GPC3: variants seen among roughly 807,000 people sequenced by gnomAD.
GPC3 encodes glypican 3.
GPC3 carries 3 observed loss-of-function variants against 34.4 expected under a neutral mutation model. The ratio of observed to expected loss-of-function variants is 0.09; its 90% confidence interval spans 0.04 to 0.23. GPC3 has a LOEUF of 0.23. Among genes scored for constraint, GPC3 ranks in the 10% least tolerant of loss-of-function variants. The probability of loss-of-function intolerance (pLI) is 1.00; values close to 1 mark genes in which losing one functional copy is unlikely to be tolerated. For synonymous variants in GPC3, 177 were observed against 174.0 expected, an observed-to-expected ratio of 1.02 and a Z score of -0.13; for missense variants, 351 against 445.6, an observed-to-expected ratio of 0.79 and a Z score of 1.91.
intron 2 of GPC3, among the ~76,000 whole-genome samples, chrX:133,791,366 T>C: frequency 9.0e-6 from 1 of 111,642 alleles, no homozygotes; most frequent in African/African-American, 3.3e-5. Context: ...TGCAGGTAGA[T>C]GCCGACTTTC....
chrX:133,560,378 T>G (rs1255541983), intron 7 of GPC3, among the ~76,000 whole-genome samples: 5 of 112,520 alleles, frequency 4.4e-5, no homozygotes, highest in Non-Finnish European at 7.5e-5. Context: ...GTTTTTGCCA[T>G]TAACTGTTTG....
chrX:133,536,348 A>G, intron 7 of GPC3, 55 bp from the exon 8 acceptor site: 1 of 896,964 alleles, frequency 1.1e-6, no homozygotes, highest in Non-Finnish European at 1.6e-6. Flanking sequence ...GCCTCAGTAT[A>G]ACACTATGCA....
At chrX:133,574,484 C>T (rs2069660120) in intron 7 of GPC3, among the ~76,000 whole-genome samples, 1 of 111,993 alleles carries the variant, frequency 8.9e-6, no homozygotes, top group Non-Finnish European at 1.9e-5. Flanking sequence ...ATGATATTGA[C>T]CAAAGATAAC....
At chrX:133,768,687 C>T (rs2071878337) in intron 2 of GPC3, among the ~76,000 whole-genome samples, 1 of 111,676 alleles carries the variant, frequency 9.0e-6, no homozygotes, top group Non-Finnish European at 1.9e-5. Flanking sequence ...ACCTGTAATC[C>T]CAACACTTTT....
At chrX:133,912,950 A>T (rs904061615) in intron 2 of GPC3, among the ~76,000 whole-genome samples, 2 of 108,018 alleles carry the variant, frequency 1.9e-5, no homozygotes, top group African/African-American at 6.8e-5. Context: ...GCTACTCGGG[A>T]GTCTGAGGCA....
rs1377700485 is a variant in GPC3, at chrX:133,896,906, C to CTT, written c.337+56142_337+56143dup. Reference sequence around the variant, plus strand: ...AATACTCTCTCTACTACTCTGTGACCTTTTTTTTTTTTTTTTTTGAGATGG... The same window carrying CTT: ...AATACTCTCTCTACTACTCTGTGACCTTTTTTTTTTTTTTTTTTTTGAGATGG... On this transcript the variant is annotated intron_variant, in intron 2 of 7. Transcript: ENST00000370818. 6.0e-4 allele frequency among the ~76,000 whole-genome samples: 55 copies of CTT among 92,406 alleles called. 1 individual carries two copies. Among genetic ancestry groups the CTT allele is most frequent in the African/African-American group, 1.9e-3 (47 of 24,584 alleles). 80.2% of individuals were successfully genotyped at this position (92,406 alleles called of 115,157 possible). A position where few individuals can be genotyped will look rare whatever the true frequency, so the allele number is the denominator to read the frequency against.
At chrX:133,557,485 C>T (rs1603156209) in intron 7 of GPC3, among the ~76,000 whole-genome samples, 1 of 110,613 alleles carries the variant, frequency 9.0e-6, no homozygotes, top group South Asian at 3.9e-4. Context: ...AAAACAAACA[C>T]AACACAAAAC....
intron 7 of GPC3, among the ~76,000 whole-genome samples, chrX:133,583,867 C>T (rs1446683940): frequency 1.8e-5 from 2 of 112,107 alleles, no homozygotes; most frequent in African/African-American, 6.5e-5. Context: ...TATTAGAAGA[C>T]AACATTCATA....
At chrX:133,587,795 A>C (rs1244886785) in intron 7 of GPC3, among the ~76,000 whole-genome samples, 2 of 112,023 alleles carry the variant, frequency 1.8e-5, no homozygotes, top group Admixed American at 9.5e-5. Context: ...TCATTCAGCA[A>C]CTTATGAGGT....
At chrX:133,911,064 C>A (rs140545072) in intron 2 of GPC3, among the ~76,000 whole-genome samples, 40 of 112,035 alleles carry the variant, frequency 3.6e-4, no homozygotes, top group African/African-American at 1.2e-3. Context: ...AAAAAAAGTG[C>A]CCTGTAAGAT....
At chrX:133,911,445 AT>A (rs920362699) in intron 2 of GPC3, among the ~76,000 whole-genome samples, 1 of 111,407 alleles carries the variant, frequency 9.0e-6, no homozygotes, top group Non-Finnish European at 1.9e-5. Flanking sequence ...AGGCGCTCAG[AT>A]TTTTTTTAAA....
chrX:133,889,490 G>A (rs1197616154), intron 2 of GPC3, among the ~76,000 whole-genome samples: 2 of 111,538 alleles, frequency 1.8e-5, no homozygotes, highest in African/African-American at 6.5e-5. Context: ...AATCTATTTC[G>A]AGTTAAAACA....
At chrX:133,960,438 A>G (rs1415621227) in intron 1 of GPC3, among the ~76,000 whole-genome samples, 1 of 111,788 alleles carries the variant, frequency 8.9e-6, no homozygotes, top group African/African-American at 3.3e-5. Context: ...ATCATGTTCT[A>G]TATGTTGGTT....
intron 2 of GPC3, among the ~76,000 whole-genome samples, chrX:133,858,115 A>C (rs1483595907): frequency 1.8e-5 from 2 of 111,601 alleles, no homozygotes; most frequent in African/African-American, 3.3e-5. Context: ...AACTCAGGAA[A>C]GGGGGGCTGC....
At chrX:133,812,452 A>G (rs13440580) in intron 2 of GPC3, among the ~76,000 whole-genome samples, 1 of 112,010 alleles carries the variant, frequency 8.9e-6, no homozygotes, top group Non-Finnish European at 1.9e-5. Context: ...CATAAGCCCT[A>G]TAGAAAACTG....
intron 2 of GPC3, among the ~76,000 whole-genome samples, chrX:133,899,721 T>C (rs746241826): frequency 2.7e-4 from 30 of 111,667 alleles, no homozygotes; most frequent in Non-Finnish European, 2.4e-4. Context: ...CCACCAGCTA[T>C]TGGAAAATTC....
In GPC3 at chrX:133,719,592, A is replaced by G. The variant is rs1304661743; in HGVS notation, c.1033-19564T>C. Among the ~76,000 whole-genome samples, 4 of 111,368 alleles carry G rather than the reference A, an allele frequency of 3.6e-5. No individual in the cohort carries two copies. In the Admixed American group the frequency reaches 3.8e-4, roughly 11 times the overall value. On this transcript the variant is annotated intron_variant, in intron 3 of 7. Coordinates refer to ENST00000370818, the MANE Select transcript of GPC3 (RefSeq NM_004484.4). Reference sequence around the variant, plus strand: ...ATGTATACATATGTAACTAACCTGCACAATGTGCACATGTACCCTAAAACT... The same window carrying G: ...ATGTATACATATGTAACTAACCTGCGCAATGTGCACATGTACCCTAAAACT...
Position 133,704,217 on chromosome X carries a change from C to A in GPC3, c.1033-4189G>T, listed in dbSNP as rs1345560157. ...AGCTTCACTCTACCTGTAAGTCTAG[C>A]CCTATACACAGGAAGAAGATAGGAT... On this transcript the variant is annotated intron_variant, in intron 3 of 7. Transcript: ENST00000370818. 2 of 1,096,915 alleles carry A rather than the reference C, an allele frequency of 1.8e-6. No homozygotes were observed. Among genetic ancestry groups the A allele is most frequent in the Non-Finnish European group, 2.4e-6 (2 of 832,367 alleles). 90.4% of individuals were successfully genotyped at this position (1,096,915 alleles called of 1,213,427 possible).
chrX:133,804,786 C>A (rs900811067), intron 2 of GPC3, among the ~76,000 whole-genome samples: 4 of 111,138 alleles, frequency 3.6e-5, no homozygotes, highest in African/African-American at 1.3e-4. Context: ...CTTCACACTA[C>A]ATATTTTTTT....
Sources: allele counts gnomAD v4.1 joint callset (sites outside exome capture counted in the v4.1 genomes callset), GRCh38; gene constraint gnomAD v4.1.1; transcripts MANE v1.5; gene names NCBI Gene and HGNC (gene_info 2026-07-23, HGNC 2026-07-21).